SLC24A2: variants seen among roughly 807,000 people sequenced by gnomAD.
SLC24A2 encodes the protein sodium/potassium/calcium exchanger 2.
A neutral mutation model predicts 62.0 loss-of-function variants in SLC24A2; 36 were observed. The observed-to-expected ratio is 0.58, with a 90% CI of 0.44 to 0.77. The LOEUF (loss-of-function observed/expected upper bound fraction) is 0.77. Ranked by LOEUF, SLC24A2 falls within the 30% of genes least tolerant of loss-of-function variation. The probability of loss-of-function intolerance (pLI) is 0.00; values close to 1 mark genes in which losing one functional copy is unlikely to be tolerated. For missense variants in SLC24A2, 846 were observed against 817.9 expected (o/e 1.03, Z -0.42); for synonymous variants, 358 against 294.0 (o/e 1.22, Z -2.23).
the SLC24A2 span, among the ~76,000 whole-genome samples, chr9:20,215,297 C>T: frequency 6.6e-6 from 1 of 152,160 alleles, no homozygotes; most frequent in African/African-American, 2.4e-5. Context: ...TACCATCACC[C>T]TGGAGGTTAG....
chr9:20,297,659 C>T, the SLC24A2 span, among the ~76,000 whole-genome samples: 7 of 152,338 alleles, frequency 4.6e-5, no homozygotes, highest in South Asian at 1.5e-3. Context: ...GCACTGCTGA[C>T]TCTGTCGTGT....
chr9:20,011,882 CAA>C, the SLC24A2 span, among the ~76,000 whole-genome samples: 1 of 152,064 alleles, frequency 6.6e-6, no homozygotes, highest in African/African-American at 2.4e-5. Flanking sequence ...AAAGATGGCT[CAA>C]CATATGCAAA....
chr9:20,181,201 A>AT, the SLC24A2 span, among the ~76,000 whole-genome samples: 1 of 152,058 alleles, frequency 6.6e-6, no homozygotes, highest in Non-Finnish European at 1.5e-5. Context: ...ACAGCCGTAT[A>AT]TCCTTGGGAA....
chr9:19,887,424 C>T, the SLC24A2 span, among the ~76,000 whole-genome samples: 1 of 151,936 alleles, frequency 6.6e-6, no homozygotes, highest in African/African-American at 2.4e-5. Context: ...AGAAGATATG[C>T]AAATGGACAA....
At chr9:20,269,886 T>C in the SLC24A2 span, among the ~76,000 whole-genome samples, 2 of 152,214 alleles carry the variant, frequency 1.3e-5, no homozygotes, top group Admixed American at 6.5e-5. Context: ...TATAACAGAA[T>C]ACCTGAGCCT....
the SLC24A2 span, among the ~76,000 whole-genome samples, chr9:20,232,851 T>C: frequency 6.6e-6 from 1 of 152,228 alleles, no homozygotes; most frequent in African/African-American, 2.4e-5. Flanking sequence ...CTGCTTTCTC[T>C]TGTGGGCATT....
intron 2 of SLC24A2, among the ~76,000 whole-genome samples, chr9:19,777,415 C>A (rs900058159): frequency 6.6e-6 from 1 of 152,120 alleles, no homozygotes; most frequent in African/African-American, 2.4e-5. Flanking sequence ...TAAGCCTTGA[C>A]CCAGAAATTC....
the SLC24A2 span, among the ~76,000 whole-genome samples, chr9:19,916,981 G>GTTTTTTTTTTTTTTTTTTTTTTT: frequency 2.8e-4 from 20 of 72,012 alleles, 2 homozygotes; most frequent in Non-Finnish European, 3.3e-4. Flanking sequence ...TAACTTACCT[G>GTTTTTTTTTTTTTTTTTTTTTTT]TTTTTTTTTT....
the SLC24A2 span, among the ~76,000 whole-genome samples, chr9:20,090,468 TTGG>T: frequency 7.3e-4 from 111 of 152,196 alleles, 2 homozygotes; most frequent in East Asian, 0.017. Flanking sequence ...ACGATTGCAA[TTGG>T]TGAAGAAATA....
At chr9:19,636,303 T>TC (rs1818319982) in intron 2 of SLC24A2, among the ~76,000 whole-genome samples, 1 of 43,710 alleles carries the variant, frequency 2.3e-5, no homozygotes, top group East Asian at 9.4e-4. Flanking sequence ...TCTTTTCTTT[T>TC]CTTTTCTTTT....
the SLC24A2 span, among the ~76,000 whole-genome samples, chr9:19,821,303 T>C: frequency 2.6e-5 from 4 of 152,298 alleles, no homozygotes; most frequent in East Asian, 7.7e-4. Flanking sequence ...GCATCTAGAA[T>C]ACAGAAATAA....
the SLC24A2 span, among the ~76,000 whole-genome samples, chr9:20,083,692 G>C: frequency 1.3e-5 from 2 of 152,270 alleles, no homozygotes; most frequent in South Asian, 4.1e-4. Context: ...ATTTGCAGTG[G>C]CCAGAGAAAA....
chr9:19,519,643 TC>T (rs1404009435), intron 10 of SLC24A2, among the ~76,000 whole-genome samples: 1 of 152,186 alleles, frequency 6.6e-6, no homozygotes, highest in Admixed American at 6.5e-5. Context: ...TCTGATGAGT[TC>T]CTGCTCTTGG....
chr9:20,095,160 G>A, the SLC24A2 span, among the ~76,000 whole-genome samples: 2 of 152,248 alleles, frequency 1.3e-5, no homozygotes, highest in Middle Eastern at 3.4e-3. Flanking sequence ...TTTTGGAATA[G>A]TTTTTTCATT....
chr9:19,685,920 G>C (rs1161188931), intron 2 of SLC24A2, among the ~76,000 whole-genome samples: 1 of 151,046 alleles, frequency 6.6e-6, no homozygotes, highest in Non-Finnish European at 1.5e-5. Context: ...TGGACAAATT[G>C]GACCTAATTA....
At chr9:19,912,415 T>C in the SLC24A2 span, among the ~76,000 whole-genome samples, 1 of 152,112 alleles carries the variant, frequency 6.6e-6, no homozygotes, top group Non-Finnish European at 1.5e-5. Flanking sequence ...TTAAATCAGG[T>C]ATAGGTTGGA....
rs142480390 is a variant in SLC24A2, at chr9:19,647,068, GCACACA to G, written c.931-24775_931-24770del. On this transcript the variant is annotated intron_variant, in intron 2 of 10. Transcript: ENST00000341998. ...TCTTTCCACACACACACACACGCGC[GCACACA>G]CACACACACACACACACACACACAC... 9.6e-3 allele frequency among the ~76,000 whole-genome samples: 770 copies of G among 80,000 alleles called. 5 individuals are homozygous for G. The highest frequency in any genetic ancestry group is 0.041 in the South Asian group (79 of 1,906). The allele number at this position is 80,000 out of a possible 152,430, so 52.5% of individuals were successfully genotyped here.
At chr9:20,015,654 T>G in the SLC24A2 span, among the ~76,000 whole-genome samples, 1 of 152,264 alleles carries the variant, frequency 6.6e-6, no homozygotes, top group East Asian at 1.9e-4. Context: ...GCCTGACTTC[T>G]AACTCCAGTG....
the SLC24A2 span, among the ~76,000 whole-genome samples, chr9:19,794,275 G>T: frequency 6.6e-6 from 1 of 151,606 alleles, no homozygotes; most frequent in Non-Finnish European, 1.5e-5. Context: ...GCTTCTCTTT[G>T]CAATACCAGC....
Sources: gnomAD v4.1 joint callset for allele counts (sites outside exome capture counted in the v4.1 genomes callset) on GRCh38, gnomAD v4.1.1 for gene constraint, MANE v1.5 for transcripts, NCBI Gene and HGNC (gene_info 2026-07-23, HGNC 2026-07-21) for gene names.